Variants in ATG4B observed in about 807,000 individuals in gnomAD.
ATG4B encodes the protein autophagy related 4B cysteine peptidase.
A neutral mutation model predicts 56.6 loss-of-function variants in ATG4B; 29 were observed. The observed-to-expected ratio is 0.51, with a 90% CI of 0.38 to 0.70. The LOEUF is 0.70. Ranked by LOEUF, ATG4B falls within the 30% of genes least tolerant of loss-of-function variation. The probability of loss-of-function intolerance (pLI) is 0.00; values close to 1 mark genes in which losing one functional copy is unlikely to be tolerated. For synonymous variants in ATG4B, 224 were observed against 206.1 expected, an observed-to-expected ratio of 1.09 and a Z score of -0.74; for missense variants, 461 against 515.5, an observed-to-expected ratio of 0.89 and a Z score of 1.02.
At chr2:241,650,672 A>G (rs1467074769) in intron 1 of ATG4B, among the ~76,000 whole-genome samples, 1 of 152,048 alleles carries the variant, frequency 6.6e-6, no homozygotes, top group Admixed American at 6.6e-5. Context: ...CTCACCCCTC[A>G]GGTTGGCCCC....
intron 5 of ATG4B, 46 bp from the exon 6 acceptor site, chr2:241,655,225 G>A (rs1233378310): frequency 2.5e-6 from 4 of 1,568,736 alleles, no homozygotes; most frequent in Middle Eastern, 1.7e-4. Context: ...CAGAGGTCAG[G>A]GCTGGGGGCG....
At chr2:241,663,526 A>G (rs367905884) in intron 7 of ATG4B, among the ~76,000 whole-genome samples, 17 of 152,348 alleles carry the variant, frequency 1.1e-4, no homozygotes, top group Admixed American at 3.3e-4. Flanking sequence ...TACAGAACTC[A>G]GAAGAAAACC....
intron 1 of ATG4B, among the ~76,000 whole-genome samples, chr2:241,646,505 T>C (rs1438876466): frequency 4.6e-5 from 7 of 152,224 alleles, no homozygotes; most frequent in Non-Finnish European, 5.9e-5. Flanking sequence ...TTTTTGACTT[T>C]ACGATAGTGT....
chr2:241,637,761 G>C (rs757818402), intron 1 of ATG4B, 37 bp downstream of exon 1: 3 of 1,560,518 alleles, frequency 1.9e-6, no homozygotes, highest in East Asian at 2.6e-5. Context: ...TCCGCAGGAG[G>C]TGCTCGCCTT....
In ATG4B at chr2:241,642,645, A is replaced by C. The variant is rs146878047; in HGVS notation, c.10+4921A>C. 1.1e-3 allele frequency among the ~76,000 whole-genome samples: 172 copies of C among 151,734 alleles called. 1 individual carries two copies. In the East Asian group the frequency reaches 0.027, roughly 24 times the overall value. ...GGAGAGAAGTTGGTTAAATTCATTG[A>C]GTACAATTCCCTACATTTCTGCCTG... is the stretch of plus-strand genomic sequence containing the variant. On this transcript the variant is annotated intron_variant, in intron 1 of 12. Transcript: ENST00000404914.
chr2:241,670,577 T>C (rs35803955), intron 10 of ATG4B, 149 bp from the exon 11 acceptor site: 171,022 of 760,514 alleles, frequency 0.22, 20,128 homozygotes, highest in East Asian at 0.26. Flanking sequence ...GCTCCGTTCC[T>C]GGCCACAGGA....
intron 6 of ATG4B, 120 bp from the exon 7 acceptor site, chr2:241,658,988 T>C: frequency 3.0e-6 from 2 of 673,702 alleles, no homozygotes; most frequent in Non-Finnish European, 4.9e-6. Context: ...TTAGGAGCCT[T>C]GGCCCTTCTC....
chr2:241,660,501 C>G lies in ATG4B; in HGVS notation c.538+1314C>G, dbSNP rs191905484. ...GGATTCTGTTCCTCAGAGACTTGAA[C>G]TTGGGATCATAACCAAAGGGTGTTT... On this transcript the variant is annotated intron_variant, in intron 7 of 12. Coordinates refer to ENST00000404914, the MANE Select transcript of ATG4B (RefSeq NM_013325.5). Among the ~76,000 whole-genome samples the G allele has an allele frequency of 2.6e-5, 4 of 152,330 alleles. No homozygotes were observed. The East Asian group carries it at 7.7e-4, about 29-fold the overall frequency.
At position 241,668,945 on chromosome 2, in the gene ATG4B, G is replaced by T. The variant is rs1349788692; in HGVS notation, c.957+260G>T. The T allele has an allele frequency of 9.5e-6, 5 of 525,206 alleles. No homozygotes were observed. Among genetic ancestry groups the T allele is most frequent in the Non-Finnish European group, 1.7e-5 (5 of 298,056 alleles). The allele number at this position is 525,206 out of a possible 1,614,324, so 32.5% of individuals were successfully genotyped here. On this transcript the variant is annotated intron_variant, in intron 10 of 12. Coordinates refer to ENST00000404914, the MANE Select transcript of ATG4B (RefSeq NM_013325.5). The surrounding 1 kb of genome is among the most constrained non-coding windows in gnomAD (Gnocchi z 4.2). The stretch of plus-strand genomic sequence containing the variant: ...AGCGTGTGTCTGGATGTGAGCGTGT[G>T]TGGGCGCGTGCTGAGTGTGCATGGA...
chr2:241,672,445 A>C lies in ATG4B; in HGVS notation c.*181A>C, dbSNP rs1575097358. On this transcript the variant is annotated 3_prime_UTR_variant, in exon 13 of 13. Coordinates refer to ENST00000404914, the MANE Select transcript of ATG4B (RefSeq NM_013325.5). ...CCGGGAGGCCTTACTGCTTGGTGTC[A>C]GACTGCCCAGCTCAGAGTGCCCGTC... The C allele has an allele frequency of 2.6e-5, 16 of 621,536 alleles. No individual in the cohort carries two copies. The East Asian group carries it at 4.4e-4, about 17-fold the overall frequency. The allele number at this position is 621,536 out of a possible 1,614,324, so 38.5% of individuals were successfully genotyped here. A position where few individuals can be genotyped will look rare whatever the true frequency, so the allele number is the denominator to read the frequency against.
chr2:241,647,018 A>T (rs1381260402), intron 1 of ATG4B, among the ~76,000 whole-genome samples: 2 of 152,036 alleles, frequency 1.3e-5, no homozygotes, highest in Non-Finnish European at 2.9e-5. Flanking sequence ...TCCTGACCTC[A>T]GGTGATCCAC....
intron 1 of ATG4B, among the ~76,000 whole-genome samples, chr2:241,649,101 T>C (rs1329442825): frequency 6.6e-6 from 1 of 152,198 alleles, no homozygotes; most frequent in East Asian, 1.9e-4. Context: ...GTTAAGTGAG[T>C]GGCCCAGGAA....
At position 241,668,457 on chromosome 2, in the gene ATG4B, C is replaced by T; in HGVS notation, c.812-83C>T. ...ACTGCTTCTCAGTGTGATGTGGGTG[C>T]AGTGGGTCTGAAATGCGGCCTCCTC... On this transcript the variant is annotated intron_variant, in intron 9 of 12. Transcript: ENST00000404914. The surrounding 1 kb of genome is among the most constrained non-coding windows in gnomAD (Gnocchi z 4.2). The T allele has an allele frequency of 3.3e-6, 5 of 1,522,038 alleles. No individual in the cohort carries two copies. Among genetic ancestry groups the T allele is most frequent in the Non-Finnish European group, 4.4e-6 (5 of 1,127,904 alleles). The allele number at this position is 1,522,038 out of a possible 1,614,324, so 94.3% of individuals were successfully genotyped here. A position where few individuals can be genotyped will look rare whatever the true frequency, so the allele number is the denominator to read the frequency against.
At chr2:241,649,211 T>C (rs148282552) in intron 1 of ATG4B, among the ~76,000 whole-genome samples, 7,674 of 152,258 alleles carry the variant, frequency 0.05, 378 homozygotes, top group African/African-American at 0.13. Context: ...CACGATGCTT[T>C]TTAGTATCAG....
At chr2:241,637,838 G>A (rs1217117541) in intron 1 of ATG4B, 114 bp downstream of exon 1, 4 of 1,282,540 alleles carry the variant, frequency 3.1e-6, no homozygotes, top group Non-Finnish European at 4.0e-6. Flanking sequence ...GTGCGGGCCA[G>A]GCTGGGCCGG....
intron 6 of ATG4B, among the ~76,000 whole-genome samples, chr2:241,657,102 A>G (rs944820698): frequency 2.6e-5 from 4 of 151,002 alleles, no homozygotes; most frequent in Non-Finnish European, 4.4e-5. Flanking sequence ...CAGCCTCCCC[A>G]GTACCTGGAA....
chr2:241,651,984 G>A lies in ATG4B; in HGVS notation c.184+649G>A, dbSNP rs1015499875. On this transcript the variant is annotated intron_variant, in intron 3 of 12. Transcript: ENST00000404914. The surrounding 1 kb of genome is among the most constrained non-coding windows in gnomAD (Gnocchi z 4.1). The stretch of plus-strand genomic sequence containing the variant: ...AGAACTGAGGCCGGAGGTGAGGGCC[G>A]GGCTGGCGTCATGCTTCCTCAGTGC... 1.4e-5 allele frequency: 18 copies of A among 1,303,598 alleles called. No homozygotes were observed. Among genetic ancestry groups the A allele is most frequent in the African/African-American group, 4.5e-5 (3 of 65,976 alleles). The allele number at this position is 1,303,598 out of a possible 1,614,324, so 80.8% of individuals were successfully genotyped here.
At chr2:241,646,162 C>G (rs946530263) in intron 1 of ATG4B, among the ~76,000 whole-genome samples, 1 of 152,172 alleles carries the variant, frequency 6.6e-6, no homozygotes, top group African/African-American at 2.4e-5. Flanking sequence ...GCTTCCTTGC[C>G]TATAAAGTTT....
At chr2:241,650,060 A>G (rs2068184446) in intron 1 of ATG4B, among the ~76,000 whole-genome samples, 1 of 152,168 alleles carries the variant, frequency 6.6e-6, no homozygotes. Context: ...CTGGGATCAC[A>G]GGCATGAGCC....
Sources: allele counts gnomAD v4.1 joint callset (sites outside exome capture counted in the v4.1 genomes callset), GRCh38; gene constraint gnomAD v4.1.1; non-coding constraint Gnocchi (gnomAD v3.1); transcripts MANE v1.5; gene names NCBI Gene and HGNC (gene_info 2026-07-23, HGNC 2026-07-21).